Variants in ITGA8 observed in about 807,000 individuals in gnomAD.
The protein encoded by ITGA8 is integrin alpha-8.
A neutral mutation model predicts 142.3 loss-of-function variants in ITGA8; 91 were observed. The ratio of observed to expected loss-of-function variants is 0.64; its 90% CI spans 0.54 to 0.76. The LOEUF is 0.76. Among genes scored for constraint, ITGA8 ranks in the 30% least tolerant of loss-of-function variants. The pLI is 0.00. For synonymous variants in ITGA8, 505 were observed against 485.2 expected (o/e 1.04, Z -0.54); for missense variants, 1,406 against 1,327.7 (o/e 1.06, Z -0.92).
intron 29 of ITGA8, 126 bp downstream of exon 29, chr10:15,519,164 C>T (rs1833012127): frequency 3.9e-6 from 4 of 1,038,356 alleles, no homozygotes; most frequent in Non-Finnish European, 5.7e-6. Context: ...CCCTTTATAT[C>T]CTTCAGACTG....
At chr10:15,567,925 T>G (rs1409420326) in intron 25 of ITGA8, among the ~76,000 whole-genome samples, 1 of 152,122 alleles carries the variant, frequency 6.6e-6, no homozygotes, top group African/African-American at 2.4e-5. Context: ...TTTATTTATT[T>G]GTTTAGAGGC....
At chr10:15,662,326 CTTTTTTTTTTTTTT>C (rs200922550) in intron 8 of ITGA8, among the ~76,000 whole-genome samples, 35 of 72,718 alleles carry the variant, frequency 4.8e-4, no homozygotes, top group African/African-American at 2.2e-3. Flanking sequence ...TCAGAAGGTC[CTTTTTTTTTTTTTT>C]TTTTTTTTTT....
chr10:15,557,133 C>T (rs1197295961), intron 26 of ITGA8, among the ~76,000 whole-genome samples: 1 of 152,176 alleles, frequency 6.6e-6, no homozygotes. Flanking sequence ...ATACTCCCAG[C>T]ACTTTGGGAA....
At chr10:15,656,517 C>T (rs1834188325) in intron 10 of ITGA8, among the ~76,000 whole-genome samples, 1 of 152,008 alleles carries the variant, frequency 6.6e-6, no homozygotes, top group Non-Finnish European at 1.5e-5. Flanking sequence ...GTACCTGCCA[C>T]CATGCCCAGC....
At position 15,695,443 on chromosome 10, in the gene ITGA8, G is replaced by A. The variant is rs188008131; in HGVS notation, c.344-7405C>T. ...AAGATATATATGGGTTGACTCTGAA[G>A]GTGCGCTTTCCCTAATTTCTTATTT... is the stretch of plus-strand genomic sequence containing the variant. On this transcript the variant is annotated intron_variant, in intron 2 of 29. Coordinates refer to ENST00000378076, the MANE Select transcript of ITGA8 (RefSeq NM_003638.3). Among the ~76,000 whole-genome samples, 24 of 152,254 alleles carry A rather than the reference G, an allele frequency of 1.6e-4. 1 individual carries two copies. Among genetic ancestry groups the A allele is most frequent in the Admixed American group, 1.2e-3 (19 of 15,296 alleles).
chr10:15,638,326 C>T (rs750841892), intron 13 of ITGA8, among the ~76,000 whole-genome samples: 5 of 152,162 alleles, frequency 3.3e-5, no homozygotes, highest in African/African-American at 1.2e-4. Flanking sequence ...CACAATCAGC[C>T]CTCCTCTGTC....
At chr10:15,561,237 A>ATATATATATATT (rs1554772732) in intron 25 of ITGA8, among the ~76,000 whole-genome samples, 1 of 78,904 alleles carries the variant, frequency 1.3e-5, no homozygotes, top group African/African-American at 8.9e-5. Flanking sequence ...ATATATATGT[A>ATATATATATATT]TATATATATA....
chr10:15,696,044 T>A (rs1835045978), intron 2 of ITGA8, among the ~76,000 whole-genome samples: 1 of 152,226 alleles, frequency 6.6e-6, no homozygotes, highest in Non-Finnish European at 1.5e-5. Context: ...ATACTCAATG[T>A]GCTTTCTGTT....
chr10:15,664,759 A>G (rs990105766), intron 8 of ITGA8, among the ~76,000 whole-genome samples: 6 of 148,736 alleles, frequency 4.0e-5, no homozygotes, highest in African/African-American at 1.5e-4. Flanking sequence ...GAGTGAGAAC[A>G]TGCAGTGTTT....
intron 27 of ITGA8, among the ~76,000 whole-genome samples, chr10:15,539,001 G>A (rs1401453413): frequency 6.7e-6 from 1 of 148,550 alleles, no homozygotes; most frequent in Non-Finnish European, 1.5e-5. Flanking sequence ...AGAAGACAAG[G>A]GAATGGACAG....
At chr10:15,703,060 G>A (rs116077503) in intron 2 of ITGA8, among the ~76,000 whole-genome samples, 1,568 of 152,092 alleles carry the variant, frequency 0.01, 32 homozygotes, top group African/African-American at 0.035. Context: ...TGTTCATATC[G>A]CTATTTAAAT....
rs186386768 is a variant in ITGA8, at chr10:15,575,436, C to T, written c.2478+53G>A. On this transcript the variant is annotated intron_variant, in intron 24 of 29. Transcript: ENST00000378076. ...AATAATGCTACATAGAATTTATTTG[C>T]ACAGAGCTTAAGAATAAACCCCTAA... The T allele has an allele frequency of 1.1e-4, 127 of 1,199,442 alleles. 1 individual carries two copies. The African/African-American group carries it at 1.7e-3, about 16-fold the overall frequency. The allele number at this position is 1,199,442 out of a possible 1,614,324, so 74.3% of individuals were successfully genotyped here. A position where few individuals can be genotyped will look rare whatever the true frequency, so the allele number is the denominator to read the frequency against.
chr10:15,583,371 G>A (rs769828257), intron 23 of ITGA8, among the ~76,000 whole-genome samples: 3 of 152,074 alleles, frequency 2.0e-5, no homozygotes, highest in African/African-American at 7.2e-5. Flanking sequence ...CTGGGGGATG[G>A]GGGGCTAGGG....
At chr10:15,689,542 C>T (rs1456927840) in intron 2 of ITGA8, among the ~76,000 whole-genome samples, 2 of 152,172 alleles carry the variant, frequency 1.3e-5, no homozygotes, top group Admixed American at 6.5e-5. Flanking sequence ...TCCTCACAAG[C>T]CCTGAGCCCA....
chr10:15,710,839 C>T (rs1020046335), intron 2 of ITGA8, among the ~76,000 whole-genome samples: 1 of 152,196 alleles, frequency 6.6e-6, no homozygotes, highest in African/African-American at 2.4e-5. Context: ...TGGGCCGGGT[C>T]AGGTCTTTGA....
intron 8 of ITGA8, 64 bp from the exon 9 acceptor site, chr10:15,660,986 C>T (rs1834275544): frequency 7.4e-7 from 1 of 1,358,452 alleles, no homozygotes; most frequent in Admixed American, 1.7e-5. Context: ...CACACACACG[C>T]CATATACTAA....
intron 27 of ITGA8, among the ~76,000 whole-genome samples, chr10:15,536,205 C>T (rs1247252747): frequency 6.6e-6 from 1 of 152,096 alleles, no homozygotes; most frequent in Non-Finnish European, 1.5e-5. Context: ...GATAAGCAAA[C>T]AGCCTGTAAC....
chr10:15,564,518 A>G (rs540326120), intron 25 of ITGA8, among the ~76,000 whole-genome samples: 1 of 152,374 alleles, frequency 6.6e-6, no homozygotes, highest in East Asian at 1.9e-4. Flanking sequence ...TCTTTCTGCA[A>G]TAAGGAAATA....
chr10:15,656,375 A>T (rs10904610), intron 10 of ITGA8, among the ~76,000 whole-genome samples: 112,120 of 151,264 alleles, frequency 0.74, 41,768 homozygotes, highest in South Asian at 0.8. Context: ...TTATTTATTT[A>T]TTTTTTGAGA....
Sources: gnomAD v4.1 joint callset for allele counts (sites outside exome capture counted in the v4.1 genomes callset) on GRCh38, gnomAD v4.1.1 for gene constraint, MANE v1.5 for transcripts, NCBI Gene and HGNC (gene_info 2026-07-23, HGNC 2026-07-21) for gene names.